Variants in CACNA1E observed in about 807,000 individuals in gnomAD.
CACNA1E encodes the protein voltage-dependent R-type calcium channel subunit alpha-1E.
In CACNA1E, 40 loss-of-function variants were observed where a neutral mutation model predicts 259.2. That is an observed-to-expected ratio of 0.15 (90% CI 0.12 to 0.20). The LOEUF is 0.20. CACNA1E is among the 10% of genes least tolerant of loss of function. The pLI, the probability that CACNA1E is intolerant of heterozygous loss-of-function variation, is 1.00. For synonymous variants in CACNA1E, 1,104 were observed against 1,138.5 expected, an observed-to-expected ratio of 0.97 and a Z score of 0.61; for missense variants, 1,874 against 3,040.1, an observed-to-expected ratio of 0.62 and a Z score of 9.02.
intron 23 of CACNA1E, 55 bp downstream of exon 23, chr1:181,737,709 T>G: frequency 6.3e-7 from 1 of 1,579,404 alleles, no homozygotes; most frequent in Non-Finnish European, 8.6e-7. Context: ...GCTCACCCCA[T>G]CCCAGCACTG....
chr1:181,480,148 T>C (rs1663138320), upstream of CACNA1E, among the ~76,000 whole-genome samples: 1 of 151,950 alleles, frequency 6.6e-6, no homozygotes, highest in Non-Finnish European at 1.5e-5. Flanking sequence ...GTAGCTGCCT[T>C]GGGGGCTGGT....
upstream of CACNA1E, among the ~76,000 whole-genome samples, chr1:181,483,105 G>A (rs1663436724): frequency 6.6e-6 from 1 of 152,220 alleles, no homozygotes; most frequent in South Asian, 2.1e-4. Flanking sequence ...ACCTTTGGAT[G>A]CGTCTCTGCT....
chr1:181,656,806 T>G (rs1023969483), intron 7 of CACNA1E, among the ~76,000 whole-genome samples: 2 of 152,188 alleles, frequency 1.3e-5, no homozygotes, highest in African/African-American at 4.8e-5. Flanking sequence ...TTTTCTATGT[T>G]TAGATATATT....
intron 1 of CACNA1E, among the ~76,000 whole-genome samples, chr1:181,407,464 AG>A (rs1159574590): frequency 6.6e-6 from 1 of 152,142 alleles, no homozygotes; most frequent in Non-Finnish European, 1.5e-5. Context: ...CATGGTTCCT[AG>A]GGGGAAAGGG....
intron 1 of CACNA1E, among the ~76,000 whole-genome samples, chr1:181,394,710 A>G (rs2102054069): frequency 6.6e-6 from 1 of 152,284 alleles, no homozygotes; most frequent in African/African-American, 2.4e-5. Context: ...TGTTAAGGTG[A>G]TATTTGAGCA....
intron 16 of CACNA1E, 23 bp from the exon 17 acceptor site, chr1:181,724,447 C>G: frequency 6.2e-7 from 1 of 1,605,472 alleles, no homozygotes; most frequent in Non-Finnish European, 8.5e-7. Flanking sequence ...TCTTATTTGC[C>G]CATCCTTAAT....
At chr1:181,793,608 T>C in intron 44 of CACNA1E, 57 bp from the exon 45 acceptor site, 1 of 1,575,946 alleles carries the variant, frequency 6.3e-7, no homozygotes, top group Non-Finnish European at 8.6e-7. Context: ...CCACTGGACG[T>C]GAGAAGCAAT....
chr1:181,319,901 C>A (rs1378208984), intron 1 of CACNA1E, among the ~76,000 whole-genome samples: 1 of 152,232 alleles, frequency 6.6e-6, no homozygotes, highest in Non-Finnish European at 1.5e-5. Flanking sequence ...AAATACAAAT[C>A]TCTGTCCTTT....
rs1663725564 is a variant in CACNA1E, at chr1:181,485,501, C to T, written c.266+1491C>T. Among the ~76,000 whole-genome samples, 1 of 152,178 alleles carries T rather than the reference C, an allele frequency of 6.6e-6. No homozygotes were observed. The highest frequency in any genetic ancestry group is 2.4e-5 in the African/African-American group (1 of 41,438). ...TCCTCCCACAGCAACCCCGGCTGGGCTTCTCCCTCTCTCCTCTCTGCATCC... is the reference window on the plus strand; with the variant it reads ...TCCTCCCACAGCAACCCCGGCTGGGTTTCTCCCTCTCTCCTCTCTGCATCC... On this transcript the variant is annotated intron_variant, in intron 1 of 47. Coordinates refer to ENST00000367573, the MANE Select transcript of CACNA1E (RefSeq NM_001205293.3). This position sits in a 1 kb window ranked among gnomAD's most constrained non-coding sequence, Gnocchi z 4.2.
intron 6 of CACNA1E, among the ~76,000 whole-genome samples, chr1:181,620,929 A>G (rs1174006680): frequency 6.6e-6 from 1 of 152,224 alleles, no homozygotes; most frequent in Non-Finnish European, 1.5e-5. Context: ...AAACAGCACC[A>G]TAAATGTCAC....
At chr1:181,653,102 A>C (rs1295782545) in intron 7 of CACNA1E, among the ~76,000 whole-genome samples, 1 of 152,092 alleles carries the variant, frequency 6.6e-6, no homozygotes, top group Non-Finnish European at 1.5e-5. Flanking sequence ...TTAATTACCT[A>C]TGGCTGCTTT....
At chr1:181,656,898 G>A (rs1163830197) in intron 7 of CACNA1E, among the ~76,000 whole-genome samples, 2 of 152,148 alleles carry the variant, frequency 1.3e-5, no homozygotes, top group African/African-American at 4.8e-5. Flanking sequence ...TTACAGCCTA[G>A]GAGCAATAGG....
intron 16 of CACNA1E, 112 bp from the exon 17 acceptor site, chr1:181,724,358 G>A: frequency 2.6e-6 from 2 of 767,950 alleles, no homozygotes; most frequent in East Asian, 2.7e-5. Flanking sequence ...ACTCTTCAGG[G>A]TAGCTTCTGT....
At chr1:181,702,556 A>G (rs569882460) in intron 7 of CACNA1E, among the ~76,000 whole-genome samples, 4 of 152,302 alleles carry the variant, frequency 2.6e-5, no homozygotes, top group Admixed American at 2.6e-4. Context: ...ATGGCCCTAC[A>G]TGATGGCCCT....
chr1:181,349,371 G>A (rs1198040175), intron 1 of CACNA1E, among the ~76,000 whole-genome samples: 2 of 152,240 alleles, frequency 1.3e-5, no homozygotes, highest in Non-Finnish European at 2.9e-5. Flanking sequence ...AAGCCTCGGG[G>A]AGCCCCAGTC....
intron 6 of CACNA1E, among the ~76,000 whole-genome samples, chr1:181,643,264 T>C (rs1657965904): frequency 6.6e-6 from 1 of 152,200 alleles, no homozygotes; most frequent in South Asian, 2.1e-4. Flanking sequence ...GGCATCTCCC[T>C]GTTGGGCTTC....
chr1:181,735,265 G>A (rs1158636629), intron 21 of CACNA1E, among the ~76,000 whole-genome samples: 1 of 152,212 alleles, frequency 6.6e-6, no homozygotes, highest in African/African-American at 2.4e-5. Flanking sequence ...CTTCTTTTAT[G>A]AGAAAGAACA....
chr1:181,727,526 G>C (rs1320817460), intron 18 of CACNA1E, among the ~76,000 whole-genome samples: 1 of 152,248 alleles, frequency 6.6e-6, no homozygotes, highest in African/African-American at 2.4e-5. Context: ...GAGAGAACAG[G>C]ATGTGATAAA....
At chr1:181,525,946 A>G (rs532945043) in intron 3 of CACNA1E, among the ~76,000 whole-genome samples, 1 of 152,264 alleles carries the variant, frequency 6.6e-6, no homozygotes, top group Non-Finnish European at 1.5e-5. Context: ...AGCCCTAAGG[A>G]AAGGAGTTTC....
Sources: allele counts gnomAD v4.1 joint callset (sites outside exome capture counted in the v4.1 genomes callset), GRCh38; gene constraint gnomAD v4.1.1; non-coding constraint Gnocchi (gnomAD v3.1); transcripts MANE v1.5; gene names NCBI Gene and HGNC (gene_info 2026-07-23, HGNC 2026-07-21).